ST6GALNAC3: variants seen among roughly 807,000 people sequenced by gnomAD.
ST6GALNAC3 encodes the protein alpha-N-acetylgalactosaminide alpha-2,6-sialyltransferase 3.
ST6GALNAC3 carries 25 observed loss-of-function variants against 32.7 expected under a neutral mutation model. That is an observed-to-expected ratio of 0.76 (90% CI 0.56 to 1.07). The LOEUF (loss-of-function observed/expected upper bound fraction) is 1.07, where lower values mean the gene tolerates loss of function less well. Among genes scored for constraint, ST6GALNAC3 ranks in the 50% least tolerant of loss-of-function variants. ST6GALNAC3 has a pLI of 0.00. For synonymous variants in ST6GALNAC3, 129 were observed against 133.1 expected (o/e 0.97, Z 0.21); for missense variants, 355 against 382.4 (o/e 0.93, Z 0.60).
At chr1:76,346,785 C>T (rs1648555043) in intron 2 of ST6GALNAC3, among the ~76,000 whole-genome samples, 1 of 152,104 alleles carries the variant, frequency 6.6e-6, no homozygotes, top group African/African-American at 2.4e-5. Context: ...GAAATAATGC[C>T]TACCCTTAGA....
chr1:76,431,906 C>A (rs1655783656), intron 3 of ST6GALNAC3, among the ~76,000 whole-genome samples: 1 of 152,140 alleles, frequency 6.6e-6, no homozygotes, highest in Non-Finnish European at 1.5e-5. Context: ...TGGGTTTATA[C>A]AAATGTATAA....
At chr1:76,329,633 A>G (rs1431632694) in intron 2 of ST6GALNAC3, among the ~76,000 whole-genome samples, 1 of 152,108 alleles carries the variant, frequency 6.6e-6, no homozygotes, top group African/African-American at 2.4e-5. Context: ...CTTAGCAGTC[A>G]CGGCTCTCTC....
intron 3 of ST6GALNAC3, among the ~76,000 whole-genome samples, chr1:76,489,438 C>G (rs1660349433): frequency 6.6e-6 from 1 of 152,054 alleles, no homozygotes; most frequent in South Asian, 2.1e-4. Flanking sequence ...AGTTCTCTCT[C>G]TCTCTCTCCC....
intron 1 of ST6GALNAC3, among the ~76,000 whole-genome samples, chr1:76,177,150 T>TA (rs1491443483): frequency 1.4e-4 from 21 of 152,088 alleles, no homozygotes; most frequent in African/African-American, 4.6e-4. Context: ...AATTTTTTTT[T>TA]AAAAAAGAGT....
intron 3 of ST6GALNAC3, among the ~76,000 whole-genome samples, chr1:76,416,188 G>T (rs1374009007): frequency 6.6e-6 from 1 of 151,972 alleles, no homozygotes; most frequent in African/African-American, 2.4e-5. Flanking sequence ...GTGGATCTGT[G>T]CTCACAAAGT....
At chr1:76,252,153 C>T (rs1377933875) in intron 1 of ST6GALNAC3, among the ~76,000 whole-genome samples, 1 of 152,118 alleles carries the variant, frequency 6.6e-6, no homozygotes, top group Non-Finnish European at 1.5e-5. Flanking sequence ...CAGAGGCCAT[C>T]CCTGGAGTGG....
intron 3 of ST6GALNAC3, among the ~76,000 whole-genome samples, chr1:76,621,151 A>G (rs1173666200): frequency 6.6e-6 from 1 of 152,038 alleles, no homozygotes; most frequent in Non-Finnish European, 1.5e-5. Context: ...TGCATTCATA[A>G]CCAGTCAAAG....
At chr1:76,147,794 C>T (rs1650784745) in intron 1 of ST6GALNAC3, among the ~76,000 whole-genome samples, 1 of 151,996 alleles carries the variant, frequency 6.6e-6, no homozygotes, top group Admixed American at 6.6e-5. Flanking sequence ...GTCTTTATTC[C>T]CTACTCTTCT....
chr1:76,627,447 C>T lies in ST6GALNAC3; in HGVS notation c.624-5C>T. The T allele has an allele frequency of 1.3e-6, 2 of 1,595,232 alleles. No individual in the cohort carries two copies. The highest frequency in any genetic ancestry group is 1.1e-5 in the South Asian group (1 of 90,548). ...TTTGTTATTGTTTGTTTTCATTTCC[C>T]TCAGAGTCCAGTCTGGCTCATATCT... On this transcript the variant is annotated splice_polypyrimidine_tract_variant and splice_region_variant and intron_variant, in intron 3 of 4. Coordinates refer to ENST00000328299, the MANE Select transcript of ST6GALNAC3 (RefSeq NM_152996.4).
chr1:76,469,256 C>T (rs995909939), intron 3 of ST6GALNAC3, among the ~76,000 whole-genome samples: 5 of 152,042 alleles, frequency 3.3e-5, no homozygotes, highest in Admixed American at 6.6e-5. Context: ...CCTGTTTCCT[C>T]CTTCATGCCA....
intron 3 of ST6GALNAC3, among the ~76,000 whole-genome samples, chr1:76,525,333 A>G (rs1344514672): frequency 6.6e-6 from 1 of 152,156 alleles, no homozygotes; most frequent in Non-Finnish European, 1.5e-5. Context: ...CAGACTGTCA[A>G]CTTGAAGAAC....
intron 1 of ST6GALNAC3, among the ~76,000 whole-genome samples, chr1:76,104,087 T>C (rs999124589): frequency 1.2e-4 from 19 of 152,324 alleles, no homozygotes; most frequent in African/African-American, 4.3e-4. Flanking sequence ...TTACAAAAAG[T>C]CTGTTTCAGA....
At chr1:76,189,484 C>T (rs971318199) in intron 1 of ST6GALNAC3, among the ~76,000 whole-genome samples, 17 of 152,148 alleles carry the variant, frequency 1.1e-4, no homozygotes, top group African/African-American at 4.1e-4. Context: ...TGGATGTACT[C>T]AAGTTCATTA....
intron 3 of ST6GALNAC3, among the ~76,000 whole-genome samples, chr1:76,596,339 G>A (rs905559332): frequency 4.6e-5 from 7 of 152,100 alleles, no homozygotes; most frequent in Admixed American, 2.6e-4. Flanking sequence ...TTCCGAGGCC[G>A]AGATCATGTC....
At chr1:76,111,825 C>G (rs1288583221) in intron 1 of ST6GALNAC3, among the ~76,000 whole-genome samples, 1 of 151,694 alleles carries the variant, frequency 6.6e-6, no homozygotes, top group Non-Finnish European at 1.5e-5. Flanking sequence ...TGAAAAGTCT[C>G]CCATGTCTAC....
intron 1 of ST6GALNAC3, among the ~76,000 whole-genome samples, chr1:76,260,986 A>T (rs1241213526): frequency 6.6e-6 from 1 of 151,550 alleles, no homozygotes; most frequent in African/African-American, 2.4e-5. Context: ...ACACACACAC[A>T]CACACACACA....
At chr1:76,114,481 G>A (rs1035373657) in intron 1 of ST6GALNAC3, among the ~76,000 whole-genome samples, 26 of 152,184 alleles carry the variant, frequency 1.7e-4, no homozygotes, top group African/African-American at 6.0e-4. Context: ...AGTTTCTACA[G>A]TGAACATATT....
At chr1:76,522,254 A>G (rs113801925) in intron 3 of ST6GALNAC3, among the ~76,000 whole-genome samples, 162 of 152,080 alleles carry the variant, frequency 1.1e-3, no homozygotes, top group African/African-American at 3.9e-3. Context: ...CAGTTTTTCT[A>G]TGATATGCCT....
At chr1:76,407,135 A>G (rs1489849932) in intron 2 of ST6GALNAC3, among the ~76,000 whole-genome samples, 1 of 152,046 alleles carries the variant, frequency 6.6e-6, no homozygotes, top group African/African-American at 2.4e-5. Flanking sequence ...CAGAGAAATG[A>G]CTTGTTTTAC....
Sources: allele counts gnomAD v4.1 joint callset (sites outside exome capture counted in the v4.1 genomes callset), GRCh38; gene constraint gnomAD v4.1.1; transcripts MANE v1.5; gene names NCBI Gene and HGNC (gene_info 2026-07-23, HGNC 2026-07-21).